Variants in SPRN observed in about 807,000 individuals in gnomAD.
SPRN encodes shadow of prion protein, also known as hypothetical protein BC004409.
For missense variants in SPRN, 312 were observed against 241.4 expected (o/e 1.29, Z -1.94); for synonymous variants, 182 against 123.4 (o/e 1.48, Z -3.15).
chr10:133,424,140 G>A (rs879774733), intron 1 of SPRN, among the ~76,000 whole-genome samples: 53 of 134,380 alleles, frequency 3.9e-4, no homozygotes, highest in Non-Finnish European at 6.9e-4. Context: ...CTCAGATCAG[G>A]GTCTGGAACG....
In SPRN at chr10:133,423,685, C is replaced by T. The variant is rs1850305681; in HGVS notation, c.-4G>A. ...ACGTTGCGGGTGCCCAGTTCATCTT[C>T]GTGGGGCTAAACCTGCGGGAAGAGA... On this transcript the variant is annotated 5_prime_UTR_variant, in exon 2 of 2. Coordinates refer to ENST00000685335, the MANE Select transcript of SPRN (RefSeq NM_001391974.1). 5 of 1,574,570 alleles carry T rather than the reference C, an allele frequency of 3.2e-6. No individual in the cohort carries two copies. The highest frequency in any genetic ancestry group is 4.3e-6 in the Non-Finnish European group (5 of 1,160,604).
rs1351911245 is a variant in SPRN at position 133,423,620 on chromosome 10, C to T, written c.62G>A (p.Ser21Asn). 1.3e-6 allele frequency: 2 copies of T among 1,558,604 alleles called. No homozygotes were observed. The highest frequency in any genetic ancestry group is 1.7e-6 in the Non-Finnish European group (2 of 1,156,746). The change falls in exon 2 of 2, where the codon AGC becomes AAC. Residue 21 changes from serine to asparagine, a missense_variant. Ser to Asn is a conservative substitution (Grantham distance 46). Coordinates refer to ENST00000685335, the MANE Select transcript of SPRN (RefSeq NM_001391974.1). ...TCCGCGGCCGCCCTTGGCTGCGCCG[C>T]TGTCGCAGAGGAAGGCGGCCGCCAG... is the stretch of plus-strand genomic sequence containing the variant. ...LLLAAAFLCDSGAAKGGRGGA... is the reference protein window; with the variant it reads ...LLLAAAFLCDNGAAKGGRGGA...
Position 133,422,241 on chromosome 10 carries a change from T to G in SPRN, c.*985A>C, listed in dbSNP as rs564869717. The G allele has an allele frequency of 6.6e-5, 10 of 152,490 alleles. No homozygotes were observed. Among genetic ancestry groups the G allele is most frequent in the African/African-American group, 2.4e-4 (10 of 41,578 alleles). The allele number at this position is 152,490 out of a possible 1,614,324, so 9.4% of individuals were successfully genotyped here. ...TGGCTCCACTGAGCAGGCCGTCAGC[T>G]GCCAGCCCACCACGCGGATACCCAG... On this transcript the variant is annotated 3_prime_UTR_variant, in exon 2 of 2. Coordinates refer to ENST00000685335, the MANE Select transcript of SPRN (RefSeq NM_001391974.1).
rs1418762344 is a variant in SPRN, at chr10:133,423,007, G to A, written c.*219C>T. 7 of 462,488 alleles carry A rather than the reference G, an allele frequency of 1.5e-5. No homozygotes were observed. The East Asian group carries it at 2.5e-4, about 16-fold the overall frequency. The allele number at this position is 462,488 out of a possible 1,614,324, so 28.6% of individuals were successfully genotyped here. On this transcript the variant is annotated 3_prime_UTR_variant, in exon 2 of 2. Coordinates refer to ENST00000685335, the MANE Select transcript of SPRN (RefSeq NM_001391974.1). ...TGAGGGGACCCTAACATCCTGGAGT[G>A]GGTGGGGCAGGGCCCATGGTCTCCT...
At chr10:133,423,854 T>G (rs1850309268) in intron 1 of SPRN, among the ~76,000 whole-genome samples, 157 bp from the exon 2 acceptor site, 1 of 152,136 alleles carries the variant, frequency 6.6e-6, no homozygotes, top group South Asian at 2.1e-4. Flanking sequence ...GGGGCGCGGT[T>G]TAACCTCTAG....
chr10:133,423,278 A>G lies in SPRN; in HGVS notation c.404T>C (p.Leu135Pro). The G allele has an allele frequency of 2.0e-6, 3 of 1,515,118 alleles. No homozygotes were observed. The highest frequency in any genetic ancestry group is 2.6e-6 in the Non-Finnish European group (3 of 1,136,804). 93.9% of individuals were successfully genotyped at this position (1,515,118 alleles called of 1,614,324 possible). ...SGAGPTRGPR[L>P]CLVLGGALGA... ...GAGGGCGCCGCCCAGCACGAGACAG[A>G]GACGCGGGCCGCGCGTGGGTCCAGC... The change falls in exon 2 of 2, where the codon CTC becomes CCC. Residue 135 changes from leucine to proline, a missense_variant. Physicochemically the swap from Leu to Pro is moderately conservative, Grantham distance 98. Coordinates refer to ENST00000685335, the MANE Select transcript of SPRN (RefSeq NM_001391974.1).
chr10:133,423,306 C>G lies in SPRN; in HGVS notation c.376G>C (p.Gly126Arg). The change falls in exon 2 of 2, where the codon GGC (glycine) becomes CGC (arginine). Residue 126 changes from glycine (G) to arginine (R), a missense_variant. Gly to Arg is a moderately radical substitution (Grantham distance 125, BLOSUM62 -2). Coordinates refer to ENST00000685335, the MANE Select transcript of SPRN (RefSeq NM_001391974.1). ...GIYSYRAWTS[G>R]AGPTRGPRLC... ...CGCGGGCCGCGCGTGGGTCCAGCGC[C>G]CGAAGTCCACGCCCGGTAGCTGTAG... 1.3e-6 allele frequency: 2 copies of G among 1,521,798 alleles called. No individual in the cohort carries two copies. The highest frequency in any genetic ancestry group is 3.6e-4 in the Middle Eastern group (2 of 5,606). 94.3% of individuals were successfully genotyped at this position (1,521,798 alleles called of 1,614,324 possible). A position where few individuals can be genotyped will look rare whatever the true frequency, so the allele number is the denominator to read the frequency against.
intron 1 of SPRN, among the ~76,000 whole-genome samples, chr10:133,423,970 A>AGGAGCGCCGTGGTG (rs763906489): frequency 8.1e-6 from 1 of 124,128 alleles, no homozygotes; most frequent in African/African-American, 2.6e-5. Flanking sequence ...GAAGCGGGGC[A>AGGAGCGCCGTGGTG]GGAGCGTTCA....
chr10:133,423,338 G>T lies in SPRN; in HGVS notation c.344C>A (p.Pro115His). 1 of 1,520,478 alleles carries T rather than the reference G, an allele frequency of 6.6e-7. No homozygotes were observed. 94.2% of individuals were successfully genotyped at this position (1,520,478 alleles called of 1,614,324 possible). ...CCACGCCCGGTAGCTGTAGATGCCG[G>T]GGCCTGTCCCGTTGCCTCCGGGCAC... Reference protein sequence around the residue: ...DGVPGGNGTGPGIYSYRAWTS... With the variant: ...DGVPGGNGTGHGIYSYRAWTS... The change falls in exon 2 of 2, where the codon CCC (proline) becomes CAC (histidine). Residue 115 changes from proline (P) to histidine (H), a missense_variant. Transcript: ENST00000685335.
Position 133,422,547 on chromosome 10 carries a change from CG to C in SPRN, c.*678del, listed in dbSNP as rs1850265624. On this transcript the variant is annotated 3_prime_UTR_variant, in exon 2 of 2. Transcript: ENST00000685335. ...TTGTTGGAGCAAAGTGGGTCTCTCACGGATCTCGGCCTGAGGGTGTGGGGGA... is the reference window on the plus strand; with the variant it reads ...TTGTTGGAGCAAAGTGGGTCTCTCACGATCTCGGCCTGAGGGTGTGGGGGA... The C allele has an allele frequency of 6.6e-6, 1 of 152,324 alleles. No homozygotes were observed. The highest frequency in any genetic ancestry group is 6.5e-5 in the Admixed American group (1 of 15,286). 9.4% of individuals were successfully genotyped at this position (152,324 alleles called of 1,614,324 possible).
At chr10:133,424,042 C>T (rs1440499701) in intron 1 of SPRN, among the ~76,000 whole-genome samples, 1 of 54,902 alleles carries the variant, frequency 1.8e-5, no homozygotes. Context: ...GCTCTGCACG[C>T]GTTGCTGGGA....
At chr10:133,423,721 C>A (rs774252430) in intron 1 of SPRN, 24 bp from the exon 2 acceptor site, 7 of 1,479,138 alleles carry the variant, frequency 4.7e-6, no homozygotes, top group South Asian at 1.3e-5. Flanking sequence ...GGGAAAGGGC[C>A]CTTAGTTTCC....
Position 133,423,004 on chromosome 10 carries a change from A to G in SPRN, c.*222T>C, listed in dbSNP as rs1423607874. The stretch of plus-strand genomic sequence containing the variant: ...GGCTGAGGGGACCCTAACATCCTGG[A>G]GTGGGTGGGGCAGGGCCCATGGTCT... On this transcript the variant is annotated 3_prime_UTR_variant, in exon 2 of 2. Coordinates refer to ENST00000685335, the MANE Select transcript of SPRN (RefSeq NM_001391974.1). 3 of 449,788 alleles carry G rather than the reference A, an allele frequency of 6.7e-6. No homozygotes were observed. The highest frequency in any genetic ancestry group is 4.5e-5 in the South Asian group (1 of 22,292). The allele number at this position is 449,788 out of a possible 1,614,324, so 27.9% of individuals were successfully genotyped here. A position where few individuals can be genotyped will look rare whatever the true frequency, so the allele number is the denominator to read the frequency against.
rs1356889143 is a variant in SPRN at position 133,422,802 on chromosome 10, C to T, written c.*424G>A. 6 of 163,248 alleles carry T rather than the reference C, an allele frequency of 3.7e-5. No homozygotes were observed. Among genetic ancestry groups the T allele is most frequent in the Non-Finnish European group, 7.9e-5 (6 of 75,662 alleles). The allele number at this position is 163,248 out of a possible 1,614,324, so 10.1% of individuals were successfully genotyped here. On this transcript the variant is annotated 3_prime_UTR_variant, in exon 2 of 2. Transcript: ENST00000685335. ...TTCTTTTGGGGAGGGTCAGATTCCT[C>T]AGGGGCTCAGTGGCAGAACCAGCCT...
Position 133,423,005 on chromosome 10 carries a change from G to A in SPRN, c.*221C>T, listed in dbSNP as rs1033323709. 3 of 455,146 alleles carry A rather than the reference G, an allele frequency of 6.6e-6. No individual in the cohort carries two copies. Among genetic ancestry groups the A allele is most frequent in the African/African-American group, 4.1e-5 (2 of 48,844 alleles). The allele number at this position is 455,146 out of a possible 1,614,324, so 28.2% of individuals were successfully genotyped here. ...GCTGAGGGGACCCTAACATCCTGGA[G>A]TGGGTGGGGCAGGGCCCATGGTCTC... On this transcript the variant is annotated 3_prime_UTR_variant, in exon 2 of 2. Coordinates refer to ENST00000685335, the MANE Select transcript of SPRN (RefSeq NM_001391974.1).
Position 133,423,537 on chromosome 10 carries a change from C to A in SPRN, c.145G>T (p.Val49Leu), listed in dbSNP as rs749895648. Residue 49 changes from valine to leucine, a missense_variant, in exon 2 of 2, where the codon GTG becomes TTG. Transcript: ENST00000685335. ...TAGCGCTGCGCCGGCCTCACGCGCACCCTCGAGGCCCCGCGCGCACCCCCG... is the reference window on the plus strand; with the variant it reads ...TAGCGCTGCGCCGGCCTCACGCGCAACCTCGAGGCCCCGCGCGCACCCCCG... The part of the protein sequence containing the change: ...VRGGARGASR[V>L]RVRPAQRYGA... 1 of 1,224,054 alleles carries A rather than the reference C, an allele frequency of 8.2e-7. No homozygotes were observed. Among genetic ancestry groups the A allele is most frequent in the Non-Finnish European group, 1.0e-6 (1 of 983,616 alleles). The allele number at this position is 1,224,054 out of a possible 1,614,324, so 75.8% of individuals were successfully genotyped here.
At chr10:133,423,763 C>G in intron 1 of SPRN, 66 bp from the exon 2 acceptor site, 1 of 1,193,030 alleles carries the variant, frequency 8.4e-7, no homozygotes, top group Non-Finnish European at 1.1e-6. Flanking sequence ...GCGGAGGGCT[C>G]AAGGCTGGAG....
At position 133,423,303 on chromosome 10, in the gene SPRN, C is replaced by A. The variant is rs1445874706; in HGVS notation, c.379G>T (p.Ala127Ser). 5.3e-6 allele frequency: 8 copies of A among 1,520,954 alleles called. No individual in the cohort carries two copies. Among genetic ancestry groups the A allele is most frequent in the Non-Finnish European group, 6.1e-6 (7 of 1,139,656 alleles). The allele number at this position is 1,520,954 out of a possible 1,614,324, so 94.2% of individuals were successfully genotyped here. Residue 127 changes from alanine (A) to serine (S), a missense_variant, in exon 2 of 2, where the codon GCT becomes TCT. By Grantham distance (99) the Ala-to-Ser change is moderately conservative. Transcript: ENST00000685335. ...IYSYRAWTSG[A>S]GPTRGPRLCL... ...AGACGCGGGCCGCGCGTGGGTCCAG[C>A]GCCCGAAGTCCACGCCCGGTAGCTG...
rs1487431042 is a variant in SPRN, at chr10:133,420,918, G to A, written c.*2308C>T. 2 of 152,396 alleles carry A rather than the reference G, an allele frequency of 1.3e-5. No individual in the cohort carries two copies. Among genetic ancestry groups the A allele is most frequent in the Admixed American group, 1.3e-4 (2 of 15,292 alleles). The allele number at this position is 152,396 out of a possible 1,614,324, so 9.4% of individuals were successfully genotyped here. The stretch of plus-strand genomic sequence containing the variant: ...AGTGGGATTCTGCATTAGTGGGGCT[G>A]AGAGATGTGGGGGCCCCTCCAGCCC... On this transcript the variant is annotated 3_prime_UTR_variant, in exon 2 of 2. Transcript: ENST00000685335.
Sources: allele counts gnomAD v4.1 joint callset (sites outside exome capture counted in the v4.1 genomes callset), GRCh38; gene constraint gnomAD v4.1.1; transcripts MANE v1.5; gene names NCBI Gene and HGNC (gene_info 2026-07-23, HGNC 2026-07-21).